OPCML: variants seen among roughly 807,000 people sequenced by gnomAD.
OPCML encodes opioid binding protein/cell adhesion molecule like.
OPCML carries 13 observed loss-of-function variants against 37.8 expected under a neutral mutation model. That is an observed-to-expected ratio of 0.34 (90% CI 0.22 to 0.55). The LOEUF (loss-of-function observed/expected upper bound fraction) is 0.55, where lower values mean the gene tolerates loss of function less well. Among genes scored for constraint, OPCML ranks in the 20% least tolerant of loss-of-function variants. The probability of loss-of-function intolerance (pLI) is 0.91; values close to 1 mark genes in which losing one functional copy is unlikely to be tolerated. For synonymous variants in OPCML, 176 were observed against 168.8 expected (o/e 1.04, Z -0.33); for missense variants, 341 against 435.6 (o/e 0.78, Z 1.93).
chr11:132,754,211 G>T (rs1259717080), intron 2 of OPCML, among the ~76,000 whole-genome samples: 1 of 152,196 alleles, frequency 6.6e-6, no homozygotes, highest in Non-Finnish European at 1.5e-5. Flanking sequence ...TTGTATTTAA[G>T]CGACTTACTC....
rs146221879 is a variant in OPCML, at chr11:132,837,513, G to A, written c.146+105413C>T. The stretch of plus-strand genomic sequence containing the variant: ...ATCTGTCCTAAAACCTAGCTATAGG[G>A]GGAAAATGATAGGACCTGCTCCTCG... On this transcript the variant is annotated intron_variant, in intron 2 of 7. Coordinates refer to ENST00000524381, the MANE Select transcript of OPCML (RefSeq NM_001012393.5). Among the ~76,000 whole-genome samples, 768 of 152,226 alleles carry A rather than the reference G, an allele frequency of 5.0e-3. 7 individuals carry two copies. Among genetic ancestry groups the A allele is most frequent in the African/African-American group, 0.018 (743 of 41,538 alleles).
chr11:133,522,479 CTGTT>C (rs1223976826), intron 1 of OPCML, among the ~76,000 whole-genome samples: 2 of 152,170 alleles, frequency 1.3e-5, no homozygotes, highest in African/African-American at 2.4e-5. Context: ...GACAGGGCTT[CTGTT>C]TGTTTGTTTT....
intron 2 of OPCML, among the ~76,000 whole-genome samples, chr11:132,895,865 G>T (rs1943820159): frequency 6.6e-6 from 1 of 152,072 alleles, no homozygotes; most frequent in Admixed American, 6.6e-5. Context: ...CAGGCCCCTA[G>T]AGGTGAGGTT....
chr11:132,656,635 G>A (rs1941721042), intron 3 of OPCML, among the ~76,000 whole-genome samples: 1 of 152,160 alleles, frequency 6.6e-6, no homozygotes, highest in Admixed American at 6.5e-5. Context: ...AGCACTCAGA[G>A]ACCCCTCCAG....
intron 1 of OPCML, among the ~76,000 whole-genome samples, chr11:133,445,211 G>C (rs546137488): frequency 6.6e-6 from 1 of 151,548 alleles, no homozygotes; most frequent in Non-Finnish European, 1.5e-5. Flanking sequence ...ATGGTGGATG[G>C]AGACCACCAT....
Position 133,526,194 on chromosome 11 carries a change from C to T in OPCML, c.61+6070G>A, listed in dbSNP as rs962920132. On this transcript the variant is annotated intron_variant, in intron 1 of 7. Coordinates refer to ENST00000524381, the MANE Select transcript of OPCML (RefSeq NM_001012393.5). ...TGGGTGGATGTGCAGGGAATCTCTG[C>T]GTTGCTAGGAAGAAGCACTCACACA... 8.5e-5 allele frequency among the ~76,000 whole-genome samples: 13 copies of T among 152,300 alleles called. No homozygotes were observed. The South Asian group carries it at 2.5e-3, about 29-fold the overall frequency.
chr11:132,532,398 G>A (rs1239087013), intron 3 of OPCML, among the ~76,000 whole-genome samples: 1 of 152,110 alleles, frequency 6.6e-6, no homozygotes, highest in African/African-American at 2.4e-5. Flanking sequence ...TCTTAATTAT[G>A]ATATCCTTAG....
chr11:132,450,455 G>A (rs1244498183), intron 4 of OPCML, among the ~76,000 whole-genome samples: 2 of 152,116 alleles, frequency 1.3e-5, no homozygotes, highest in Admixed American at 1.3e-4. Context: ...CTGGTGCCTC[G>A]ACGGTGGTGT....
At chr11:132,918,566 T>G (rs1944684842) in intron 2 of OPCML, among the ~76,000 whole-genome samples, 1 of 152,220 alleles carries the variant, frequency 6.6e-6, no homozygotes. Flanking sequence ...GGGTCTTTGA[T>G]TTTTTTAAGT....
chr11:133,202,857 T>C (rs1215944415), intron 1 of OPCML, among the ~76,000 whole-genome samples: 2 of 152,210 alleles, frequency 1.3e-5, no homozygotes, highest in African/African-American at 4.8e-5. Context: ...TGAGAATACA[T>C]AGGCTTTGAA....
At chr11:133,480,123 C>A (rs1947341645) in intron 1 of OPCML, among the ~76,000 whole-genome samples, 1 of 152,218 alleles carries the variant, frequency 6.6e-6, no homozygotes, top group Non-Finnish European at 1.5e-5. Context: ...GGCATCCCAG[C>A]ACATCCACCC....
rs188912709 is a variant in OPCML, at chr11:133,333,542, G to A, written c.61+198722C>T. Among the ~76,000 whole-genome samples, 490 of 152,250 alleles carry A rather than the reference G, an allele frequency of 3.2e-3. 3 individuals carry two copies. The highest frequency in any genetic ancestry group is 0.011 in the African/African-American group (473 of 41,554). ...GTAAACCCAAAACTATAAAAACTCT[G>A]GAAGATAACTTAGGCAATGCCATCC... On this transcript the variant is annotated intron_variant, in intron 1 of 7. Transcript: ENST00000524381.
intron 2 of OPCML, among the ~76,000 whole-genome samples, chr11:132,872,634 C>T (rs991705016): frequency 5.3e-5 from 8 of 152,280 alleles, no homozygotes; most frequent in Non-Finnish European, 1.2e-4. Context: ...TTAAACAACT[C>T]GCCTAAGTCC....
At chr11:133,265,014 C>T (rs1398448018) in intron 1 of OPCML, among the ~76,000 whole-genome samples, 1 of 152,114 alleles carries the variant, frequency 6.6e-6, no homozygotes, top group Non-Finnish European at 1.5e-5. Flanking sequence ...TACCGAGAGG[C>T]CTCGGGTCCT....
chr11:132,841,082 G>C (rs1565902210), intron 2 of OPCML, among the ~76,000 whole-genome samples: 1 of 152,150 alleles, frequency 6.6e-6, no homozygotes, highest in Non-Finnish European at 1.5e-5. Flanking sequence ...CAAATGGAGG[G>C]AGAAACGTGC....
chr11:133,146,542 T>C lies in OPCML; in HGVS notation c.62-203532A>G, dbSNP rs1019254839. On this transcript the variant is annotated intron_variant, in intron 1 of 7. Transcript: ENST00000524381. Reference sequence around the variant, plus strand: ...GTTGGCAGGGCTGATCTTGAACTCCTGACCTTGTGACTTGCCCGCCTCGGC... The same window carrying C: ...GTTGGCAGGGCTGATCTTGAACTCCCGACCTTGTGACTTGCCCGCCTCGGC... 1.3e-5 allele frequency among the ~76,000 whole-genome samples: 2 copies of C among 152,120 alleles called. 1 individual carries two copies. Among genetic ancestry groups the C allele is most frequent in the African/African-American group, 4.8e-5 (2 of 41,426 alleles).
intron 2 of OPCML, among the ~76,000 whole-genome samples, chr11:132,809,052 A>G (rs1296461354): frequency 1.3e-5 from 2 of 152,124 alleles, no homozygotes; most frequent in African/African-American, 4.8e-5. Flanking sequence ...GGAAGGCTAT[A>G]CTCCAAGAAA....
At chr11:132,723,700 C>T (rs192008977) in intron 2 of OPCML, among the ~76,000 whole-genome samples, 152 of 152,316 alleles carry the variant, frequency 1.0e-3, no homozygotes, top group Non-Finnish European at 1.4e-3. Context: ...AAAGCCATTC[C>T]AGGCCTATGC....
In OPCML at chr11:132,852,611, GA is replaced by G. The variant is rs146990273; in HGVS notation, c.146+90314del. 2.1e-4 allele frequency among the ~76,000 whole-genome samples: 31 copies of G among 145,712 alleles called. 1 individual carries two copies. In the East Asian group the frequency reaches 3.2e-3, roughly 15 times the overall value. On this transcript the variant is annotated intron_variant, in intron 2 of 7. Coordinates refer to ENST00000524381, the MANE Select transcript of OPCML (RefSeq NM_001012393.5). ...CCCCACCACGCCTGCGCACAAAGGA[GA>G]AAAAAAAAAGAGAGAGAGAAGAAAA...
Sources: gnomAD v4.1 joint callset for allele counts (sites outside exome capture counted in the v4.1 genomes callset) on GRCh38, gnomAD v4.1.1 for gene constraint, MANE v1.5 for transcripts, NCBI Gene and HGNC (gene_info 2026-07-23, HGNC 2026-07-21) for gene names.